The following PLCXD1 variants were observed in gnomAD, a reference collection of about 807,000 sequenced individuals.
PLCXD1 encodes the protein PI-PLC X domain-containing protein 1.
Under a neutral mutation model 37.8 loss-of-function variants are expected in PLCXD1, and 45 were observed. The ratio of observed to expected loss-of-function variants is 1.19; its 90% confidence interval spans 0.94 to 1.53. The LOEUF (loss-of-function observed/expected upper bound fraction) is 1.53. Ranked by LOEUF, PLCXD1 falls within the 40% of genes most tolerant of loss-of-function variation. PLCXD1 has a pLI of 0.00. For synonymous variants in PLCXD1, 246 were observed against 206.9 expected (o/e 1.19, Z -1.62); for missense variants, 539 against 454.7 (o/e 1.19, Z -1.69).
Position 293,203 on chromosome X carries a change from A to G in PLCXD1, c.718A>G (p.Ser240Gly), listed in dbSNP as rs751841678. 6.2e-7 allele frequency: 1 copy of G among 1,610,142 alleles called. No individual in the cohort carries two copies. Residue 240 changes from serine (S) to glycine (G), a missense_variant, in exon 6 of 7, where the codon AGC becomes GGC. Ser to Gly is a moderately conservative substitution (Grantham distance 56). Coordinates refer to ENST00000381657, the MANE Select transcript of PLCXD1 (RefSeq NM_018390.4). ...CATCCGATACCTGGAGACCATGAAGAGCTGCGGCCGCCCAGGTACCAGGTC... is the reference window on the plus strand; with the variant it reads ...CATCCGATACCTGGAGACCATGAAGGGCTGCGGCCGCCCAGGTACCAGGTC... ...ALIRYLETMK[S>G]CGRPGGLFVA...
At chrX:292,938 G>A (rs1175529566) in intron 5 of PLCXD1, 97 bp from the exon 6 acceptor site, 14 of 795,642 alleles carry the variant, frequency 1.8e-5, no homozygotes, top group Admixed American at 2.5e-5. Flanking sequence ...GTTTATACTC[G>A]TGTTGGGCCG....
chrX:287,451 T>G (rs1273097461), intron 2 of PLCXD1, among the ~76,000 whole-genome samples: 1 of 130,312 alleles, frequency 7.7e-6, no homozygotes, highest in African/African-American at 3.1e-5. Flanking sequence ...ACACTATATA[T>G]GTTTATATAT....
intron 3 of PLCXD1, 71 bp from the exon 4 acceptor site, chrX:290,577 C>T (rs2069597250): frequency 1.3e-6 from 2 of 1,573,674 alleles, no homozygotes; most frequent in African/African-American, 1.3e-5. Flanking sequence ...GGGCCAACCC[C>T]ACAGCCCATT....
intron 5 of PLCXD1, among the ~76,000 whole-genome samples, chrX:292,822 G>A (rs1171753636): frequency 1.1e-4 from 16 of 149,068 alleles, no homozygotes; most frequent in Admixed American, 4.7e-4. Context: ...CATGTTGCCC[G>A]GGCTGGTCTC....
At chrX:279,327 T>C (rs974097297), upstream of PLCXD1, among the ~76,000 whole-genome samples, 29 of 152,188 alleles carry the variant, frequency 1.9e-4, no homozygotes, top group Non-Finnish European at 3.7e-4. Flanking sequence ...TGGACGTATA[T>C]GTGCAAGTCA....
At chrX:286,085 A>T (rs1373577662) in intron 2 of PLCXD1, among the ~76,000 whole-genome samples, 2 of 150,368 alleles carry the variant, frequency 1.3e-5, no homozygotes, top group Non-Finnish European at 3.0e-5. Context: ...TTTTTTTGAG[A>T]CGGAGTTTTG....
At chrX:294,392 G>T (rs1233797963) in intron 6 of PLCXD1, among the ~76,000 whole-genome samples, 5 of 151,752 alleles carry the variant, frequency 3.3e-5, no homozygotes, top group Non-Finnish European at 7.4e-5. Context: ...TGAGGTAGGA[G>T]AATGGTGTGA....
chrX:289,007 G>T, intron 3 of PLCXD1, 138 bp downstream of exon 3: 2 of 776,144 alleles, frequency 2.6e-6, no homozygotes, highest in Non-Finnish European at 4.3e-6. Flanking sequence ...TCCTATCCCA[G>T]CTGCGGAGAC....
chrX:276,415 C>T (rs1019453281), upstream of PLCXD1: 5 of 152,374 alleles, frequency 3.3e-5, no homozygotes, highest in Admixed American at 6.5e-5. Context: ...CTACCCCGTT[C>T]TCCTGATGGC....
In PLCXD1 at chrX:293,142, C is replaced by A. The variant is rs765151225; in HGVS notation, c.657C>A (p.Pro219=). ...RRHHELWPGV[P]YWWGNRVKTE... ...ACCACGAGCTGTGGCCAGGAGTCCC[C>A]TACTGGTGGGGAAACAGGGTGAAGA... Residue 219 remains proline, a synonymous_variant, in exon 6 of 7, where the codon CCC becomes CCA. Coordinates refer to ENST00000381657, the MANE Select transcript of PLCXD1 (RefSeq NM_018390.4). The A allele has an allele frequency of 6.2e-7, 1 of 1,612,768 alleles. No homozygotes were observed. Among genetic ancestry groups the A allele is most frequent in the South Asian group, 1.1e-5 (1 of 91,016 alleles).
intron 2 of PLCXD1, among the ~76,000 whole-genome samples, chrX:287,464 AATAT>A (rs983480852): frequency 1.5e-5 from 2 of 129,258 alleles, no homozygotes; most frequent in South Asian, 2.3e-4. Flanking sequence ...TTATATATAG[AATAT>A]ATACTATATA....
upstream of PLCXD1, among the ~76,000 whole-genome samples, chrX:280,431 G>C (rs865811617): frequency 2.4e-3 from 28 of 11,608 alleles, no homozygotes; most frequent in Admixed American, 6.1e-3. Context: ...GACGTGCAGG[G>C]GGAGGGGAGG....
chrX:299,279 G>A lies in PLCXD1; in HGVS notation c.916G>A (p.Ala306Thr), dbSNP rs1199155170. ...CATCATCGCGGGGGACTTCATCGGCGCAGACGGCTTCGTCAGTGACGTCAT... is the reference window on the plus strand; with the variant it reads ...CATCATCGCGGGGGACTTCATCGGCACAGACGGCTTCGTCAGTGACGTCAT... ...TNIIAGDFIG[A>T]DGFVSDVIAL... The change falls in exon 7 of 7, where the codon GCA becomes ACA. Residue 306 changes from alanine to threonine, a missense_variant. Coordinates refer to ENST00000381657, the MANE Select transcript of PLCXD1 (RefSeq NM_018390.4). 8.1e-6 allele frequency: 13 copies of A among 1,613,898 alleles called. No individual in the cohort carries two copies. In the Middle Eastern group the frequency reaches 5.0e-4, roughly 62 times the overall value.
chrX:277,339 T>G (rs117283964), upstream of PLCXD1, among the ~76,000 whole-genome samples: 30 of 6,820 alleles, frequency 4.4e-3, 4 homozygotes, highest in African/African-American at 8.0e-3. Flanking sequence ...GGGGAGGGGT[T>G]GGGGAACGTG....
intron 5 of PLCXD1, 145 bp from the exon 6 acceptor site, chrX:292,888 CAG>C: frequency 1.8e-6 from 1 of 551,460 alleles, no homozygotes; most frequent in Non-Finnish European, 3.2e-6. Flanking sequence ...GCTGGGATTA[CAG>C]GCGTCAGCCA....
chrX:295,953 G>C (rs187778188), intron 6 of PLCXD1, among the ~76,000 whole-genome samples: 2 of 151,608 alleles, frequency 1.3e-5, no homozygotes, highest in Non-Finnish European at 2.9e-5. Flanking sequence ...CAATTCTCCC[G>C]CCTCAGCCTC....
chrX:277,197 C>G (rs143238528), upstream of PLCXD1, among the ~76,000 whole-genome samples: 19,464 of 128,326 alleles, frequency 0.15, 1,499 homozygotes, highest in East Asian at 0.28. Context: ...GTCGGGGGAC[C>G]TGGGGACAGG....
intron 2 of PLCXD1, among the ~76,000 whole-genome samples, chrX:288,113 C>T (rs1316577154): frequency 6.6e-6 from 1 of 150,690 alleles, no homozygotes; most frequent in Non-Finnish European, 1.5e-5. Flanking sequence ...TCTGTGTCTC[C>T]TAAGGACACC....
chrX:288,892 C>T, intron 3 of PLCXD1, 23 bp downstream of exon 3: 3 of 1,609,392 alleles, frequency 1.9e-6, no homozygotes, highest in Non-Finnish European at 1.7e-6. Flanking sequence ...CCCCGTGCTG[C>T]TGACCTGGCC....
Sources: allele counts gnomAD v4.1 joint callset (sites outside exome capture counted in the v4.1 genomes callset), GRCh38; gene constraint gnomAD v4.1.1; transcripts MANE v1.5; gene names NCBI Gene and HGNC (gene_info 2026-07-23, HGNC 2026-07-21).